The following DIS3L2 variants were observed in gnomAD, a reference collection of about 807,000 sequenced individuals.
The protein encoded by DIS3L2 is DIS3 like 3'-5' exoribonuclease 2, also known as DIS3-like exonuclease 2.
In DIS3L2, 34 loss-of-function variants were observed where a neutral mutation model predicts 97.5. That is an observed-to-expected ratio of 0.35 (90% CI 0.27 to 0.46). The LOEUF is 0.46. Ranked by LOEUF, DIS3L2 falls within the 20% of genes least tolerant of loss-of-function variation. DIS3L2 has a pLI of 1.00. For synonymous variants in DIS3L2, 435 were observed against 445.2 expected (o/e 0.98, Z 0.29); for missense variants, 1,038 against 1,146.0 (o/e 0.91, Z 1.36).
At chr2:232,137,876 C>G (rs1574903380) in intron 8 of DIS3L2, among the ~76,000 whole-genome samples, 1 of 152,148 alleles carries the variant, frequency 6.6e-6, no homozygotes, top group South Asian at 2.1e-4. Context: ...AAAGTGATGT[C>G]AACCCCTTGA....
chr2:232,207,332 A>G (rs1692054649), intron 9 of DIS3L2, among the ~76,000 whole-genome samples: 1 of 152,104 alleles, frequency 6.6e-6, no homozygotes, highest in Non-Finnish European at 1.5e-5. Flanking sequence ...ATTACAGCCC[A>G]TTGCTGTGGT....
intron 1 of DIS3L2, among the ~76,000 whole-genome samples, chr2:231,981,598 TTA>T (rs10669283): frequency 0.13 from 11,126 of 83,840 alleles, 611 homozygotes; most frequent in Middle Eastern, 0.16. Context: ...GTTAAGTATT[TTA>T]TATATATATA....
In DIS3L2 at chr2:232,329,614, A is replaced by G. The variant is rs1438808062; in HGVS notation, c.1740-199A>G. ...TCAGAGGAGAAGGCGGTGTAGACCAACTGGTGCAGGGAGACCATGGGGGTG... is the reference window on the plus strand; with the variant it reads ...TCAGAGGAGAAGGCGGTGTAGACCAGCTGGTGCAGGGAGACCATGGGGGTG... On this transcript the variant is annotated intron_variant, in intron 14 of 20. Transcript: ENST00000325385. The G allele has an allele frequency of 1.8e-4, 91 of 502,592 alleles. No individual in the cohort carries two copies. In the East Asian group the frequency reaches 2.9e-3, roughly 16 times the overall value. The allele number at this position is 502,592 out of a possible 1,614,324, so 31.1% of individuals were successfully genotyped here.
At chr2:232,328,244 T>G (rs1412257653) in intron 14 of DIS3L2, among the ~76,000 whole-genome samples, 1 of 152,192 alleles carries the variant, frequency 6.6e-6, no homozygotes, top group Non-Finnish European at 1.5e-5. Context: ...GTCACCTGCC[T>G]TACTGTGTGC....
chr2:232,232,872 G>A (rs535069099), intron 10 of DIS3L2, among the ~76,000 whole-genome samples: 1 of 152,278 alleles, frequency 6.6e-6, no homozygotes, highest in South Asian at 2.1e-4. Context: ...AAGGCAGCCT[G>A]GGGCAGAGCA....
intron 5 of DIS3L2, among the ~76,000 whole-genome samples, chr2:232,086,660 T>TACAC: frequency 8.8e-5 from 1 of 11,354 alleles, no homozygotes; most frequent in Non-Finnish European, 1.6e-4. Flanking sequence ...TATATATATA[T>TACAC]GTGTGTGTGT....
Position 232,315,279 on chromosome 2 carries a change from T to A in DIS3L2, c.1740-14534T>A, listed in dbSNP as rs375211895. On this transcript the variant is annotated intron_variant, in intron 14 of 20. Coordinates refer to ENST00000325385, the MANE Select transcript of DIS3L2 (RefSeq NM_152383.5). ...TCAGGTACTTAAAGTAGCAAATGTC[T>A]CTGCTGTAAAAACCCTCACTCCGGT... Among the ~76,000 whole-genome samples the A allele has an allele frequency of 5.6e-4, 86 of 152,276 alleles. 2 individuals carry two copies. The South Asian group carries it at 0.017, about 31-fold the overall frequency.
At chr2:232,234,029 A>C (rs540501697) in intron 10 of DIS3L2, among the ~76,000 whole-genome samples, 2 of 152,100 alleles carry the variant, frequency 1.3e-5, no homozygotes, top group African/African-American at 4.8e-5. Context: ...GAGTTATGAG[A>C]GATAGGGAGG....
At chr2:232,128,251 C>CCA (rs1698122449) in intron 6 of DIS3L2, among the ~76,000 whole-genome samples, 5 of 152,046 alleles carry the variant, frequency 3.3e-5, no homozygotes, top group Non-Finnish European at 7.4e-5. Flanking sequence ...CCAACATGCC[C>CCA]ACCCTATAAT....
intron 10 of DIS3L2, among the ~76,000 whole-genome samples, chr2:232,220,596 A>C (rs963982672): frequency 6.6e-6 from 1 of 152,050 alleles, no homozygotes; most frequent in Non-Finnish European, 1.5e-5. Context: ...AATCCCAGCT[A>C]CTTGGAAGGC....
chr2:232,201,119 C>G (rs1296836071), intron 9 of DIS3L2, among the ~76,000 whole-genome samples: 1 of 152,198 alleles, frequency 6.6e-6, no homozygotes, highest in Non-Finnish European at 1.5e-5. Flanking sequence ...ATCTCTAAGT[C>G]TCATTCTGTA....
intron 5 of DIS3L2, among the ~76,000 whole-genome samples, chr2:232,086,085 C>T (rs1216900102): frequency 6.6e-6 from 1 of 152,094 alleles, no homozygotes; most frequent in East Asian, 1.9e-4. Flanking sequence ...GTGTGAGTCA[C>T]TGTGCCTGGC....
chr2:232,192,609 C>T (rs944281091), intron 9 of DIS3L2, among the ~76,000 whole-genome samples: 10 of 152,154 alleles, frequency 6.6e-5, no homozygotes, highest in Non-Finnish European at 1.3e-4. Flanking sequence ...TAGAAAGTCG[C>T]GGCACCCTCC....
At chr2:232,202,027 C>G (rs1691906630) in intron 9 of DIS3L2, among the ~76,000 whole-genome samples, 1 of 152,194 alleles carries the variant, frequency 6.6e-6, no homozygotes, top group Admixed American at 6.5e-5. Context: ...CATGGCTTTC[C>G]TGGCCCATCC....
At chr2:232,072,129 A>T (rs1696037333) in intron 5 of DIS3L2, among the ~76,000 whole-genome samples, 1 of 152,122 alleles carries the variant, frequency 6.6e-6, no homozygotes, top group African/African-American at 2.4e-5. Context: ...CTTTGAGGGG[A>T]AGGACCAGAG....
intron 8 of DIS3L2, among the ~76,000 whole-genome samples, chr2:232,137,039 C>G (rs1299397021): frequency 6.6e-6 from 1 of 152,200 alleles, no homozygotes; most frequent in Admixed American, 6.6e-5. Context: ...TTGCATCAAA[C>G]AACCAGTCCT....
chr2:231,976,790 CAG>C (rs1475362397), intron 1 of DIS3L2, among the ~76,000 whole-genome samples: 9 of 115,640 alleles, frequency 7.8e-5, no homozygotes, highest in African/African-American at 2.7e-4. Context: ...TTTTTTGAGA[CAG>C]AGTCTCGCTC....
intron 6 of DIS3L2, among the ~76,000 whole-genome samples, chr2:232,105,495 T>C (rs891838231): frequency 2.6e-5 from 4 of 152,202 alleles, no homozygotes; most frequent in South Asian, 2.1e-4. Context: ...GCTTTTCCTT[T>C]TCACTTCTTT....
intron 13 of DIS3L2, among the ~76,000 whole-genome samples, chr2:232,298,458 A>C (rs1694773653): frequency 6.6e-6 from 1 of 152,218 alleles, no homozygotes; most frequent in Admixed American, 6.5e-5. Flanking sequence ...TACTTCACAA[A>C]GGAGAGGGCT....
Sources: allele counts gnomAD v4.1 joint callset (sites outside exome capture counted in the v4.1 genomes callset), GRCh38; gene constraint gnomAD v4.1.1; transcripts MANE v1.5; gene names NCBI Gene and HGNC (gene_info 2026-07-23, HGNC 2026-07-21).